The following PRKAR1A variants were observed in gnomAD, a reference collection of about 807,000 sequenced individuals.
PRKAR1A encodes cAMP-dependent protein kinase type I-alpha regulatory subunit.
A neutral mutation model predicts 52.0 loss-of-function variants in PRKAR1A; 3 were observed. That is an observed-to-expected ratio of 0.06 (90% CI 0.03 to 0.15). PRKAR1A has a LOEUF of 0.15. PRKAR1A is among the 10% of genes least tolerant of loss of function. PRKAR1A has a pLI of 1.00. For missense variants in PRKAR1A, 240 were observed against 477.4 expected, an observed-to-expected ratio of 0.50 and a Z score of 4.63; for synonymous variants, 188 against 168.4, an observed-to-expected ratio of 1.12 and a Z score of -0.90.
chr17:68,542,662 GA>G (rs1452285233), intron 11 of PRKAR1A: 1 of 1,548,678 alleles, frequency 6.5e-7, no homozygotes, highest in South Asian at 1.1e-5. Context: ...GATCTACTCA[GA>G]CCCGGAATAT....
At position 68,543,741 on chromosome 17, in the gene PRKAR1A, C is replaced by CA. The variant is rs1491277470; in HGVS notation, c.974-7342dup. The CA allele has an allele frequency of 2.5e-6, 4 of 1,603,630 alleles. No individual in the cohort carries two copies. The East Asian group carries it at 8.9e-5, about 36-fold the overall frequency. On this transcript the variant is annotated intron_variant, in intron 11 of 11. Transcript: ENST00000585981. ...TGCTGTCTGGAAGGAAGGAAGGAATCACGCCCTGGACTCAGACTTCAGCTG... is the reference window on the plus strand; with the variant it reads ...TGCTGTCTGGAAGGAAGGAAGGAATCAACGCCCTGGACTCAGACTTCAGCTG...
downstream of PRKAR1A, chr17:68,536,501 CCTGA>C (rs1423427493): frequency 4.4e-6 from 2 of 454,130 alleles, no homozygotes; most frequent in East Asian, 1.4e-4. Context: ...CAATAAAAAA[CCTGA>C]CTTAGTCTTT....
the PRKAR1A span, among the ~76,000 whole-genome samples, chr17:68,489,502 A>AGT: frequency 6.9e-6 from 1 of 145,278 alleles, no homozygotes; most frequent in Non-Finnish European, 1.5e-5. Context: ...ATATATAGAT[A>AGT]GTATATATAT....
chr17:68,542,612 C>T (rs1407709221), intron 11 of PRKAR1A: 2 of 1,051,740 alleles, frequency 1.9e-6, no homozygotes, highest in Admixed American at 1.7e-5. Context: ...AGCAGGGTGT[C>T]AGGCCACTGA....
chr17:68,417,733 A>ATTTTTTTTTTTT, the PRKAR1A span, among the ~76,000 whole-genome samples: 58 of 60,828 alleles, frequency 9.5e-4, 12 homozygotes, highest in East Asian at 1.3e-3. Flanking sequence ...GAGTTGCTGA[A>ATTTTTTTTTTTT]TTTTTTTTTT....
chr17:68,452,841 C>G, the PRKAR1A span: 1 of 1,428,674 alleles, frequency 7.0e-7, no homozygotes, highest in Non-Finnish European at 9.8e-7. Context: ...GGTAGCACCG[C>G]AGATTAAAGC....
intron 7 of PRKAR1A, chr17:68,527,466 G>A (rs1445440401): frequency 9.3e-6 from 2 of 215,392 alleles, no homozygotes; most frequent in African/African-American, 4.7e-5. Context: ...CAGTTTGAGA[G>A]TAAACATGGA....
In PRKAR1A at chr17:68,530,668, C is replaced by A; in HGVS notation, c.*219C>A. ...ATAAATAGAAAGAGTTCTATGGAGA[C>A]TTTGCTGTTACTGCTTCTCTTTGTG... On this transcript the variant is annotated 3_prime_UTR_variant, in exon 11 of 11. Transcript: ENST00000589228. The A allele has an allele frequency of 6.9e-7, 1 of 1,443,134 alleles. No individual in the cohort carries two copies. Among genetic ancestry groups the A allele is most frequent in the Non-Finnish European group, 9.1e-7 (1 of 1,099,526 alleles). The allele number at this position is 1,443,134 out of a possible 1,614,324, so 89.4% of individuals were successfully genotyped here. A position where few individuals can be genotyped will look rare whatever the true frequency, so the allele number is the denominator to read the frequency against.
At chr17:68,436,470 G>A in the PRKAR1A span, 4 of 1,613,860 alleles carry the variant, frequency 2.5e-6, 1 homozygote, top group South Asian at 4.4e-5. Flanking sequence ...GATAGAGAGA[G>A]CACATAGACC....
At chr17:68,544,050 T>C (rs1406442741) in intron 11 of PRKAR1A, among the ~76,000 whole-genome samples, 1 of 152,078 alleles carries the variant, frequency 6.6e-6, no homozygotes, top group Non-Finnish European at 1.5e-5. Context: ...CTTCTGCAGG[T>C]ATAAACAGAA....
At chr17:68,517,923 A>G (rs574311087) in intron 2 of PRKAR1A, among the ~76,000 whole-genome samples, 2 of 152,354 alleles carry the variant, frequency 1.3e-5, no homozygotes, top group African/African-American at 4.8e-5. Flanking sequence ...GATAACACCC[A>G]TTCCAAATGG....
At chr17:68,521,255 G>T (rs909409364) in intron 2 of PRKAR1A, among the ~76,000 whole-genome samples, 4 of 151,780 alleles carry the variant, frequency 2.6e-5, no homozygotes, top group African/African-American at 7.3e-5. Flanking sequence ...TTTGAGACAG[G>T]ATCTCACTCT....
chr17:68,427,415 G>A, the PRKAR1A span: 1 of 519,240 alleles, frequency 1.9e-6, no homozygotes, highest in African/African-American at 2.0e-5. Flanking sequence ...GGAGTGCAGT[G>A]GCGCAATCTC....
At chr17:68,467,111 C>T in the PRKAR1A span, among the ~76,000 whole-genome samples, 1 of 152,198 alleles carries the variant, frequency 6.6e-6, no homozygotes, top group African/African-American at 2.4e-5. Flanking sequence ...CTTTTTATGG[C>T]TGAATAGTAT....
chr17:68,532,656 G>A lies in PRKAR1A; in HGVS notation c.*2207G>A. Reference sequence around the variant, plus strand: ...GATGGCCAAAGGACCGTTTTGTATTGCTTCCTGATTACCAGTCTGATTATA... The same window carrying A: ...GATGGCCAAAGGACCGTTTTGTATTACTTCCTGATTACCAGTCTGATTATA... On this transcript the variant is annotated 3_prime_UTR_variant, in exon 11 of 11. Coordinates refer to ENST00000589228, the MANE Select transcript of PRKAR1A (RefSeq NM_002734.5). The A allele has an allele frequency of 9.4e-7, 1 of 1,066,252 alleles. No homozygotes were observed. Among genetic ancestry groups the A allele is most frequent in the Non-Finnish European group, 1.1e-6 (1 of 879,664 alleles). The allele number at this position is 1,066,252 out of a possible 1,614,324, so 66.0% of individuals were successfully genotyped here. A position where few individuals can be genotyped will look rare whatever the true frequency, so the allele number is the denominator to read the frequency against.
chr17:68,424,807 G>A, the PRKAR1A span, among the ~76,000 whole-genome samples: 1 of 151,572 alleles, frequency 6.6e-6, no homozygotes, highest in African/African-American at 2.4e-5. Context: ...AACCCAGGAG[G>A]CAGAGGCTGC....
At chr17:68,473,368 C>T in the PRKAR1A span, among the ~76,000 whole-genome samples, 1 of 152,072 alleles carries the variant, frequency 6.6e-6, no homozygotes, top group South Asian at 2.1e-4. Context: ...ATAGTGAGAC[C>T]TCAACGCTCC....
the PRKAR1A span, among the ~76,000 whole-genome samples, chr17:68,500,832 T>A: frequency 6.6e-6 from 1 of 152,092 alleles, no homozygotes; most frequent in Non-Finnish European, 1.5e-5. Flanking sequence ...TATAACTTTA[T>A]CAGCAGCATG....
At position 68,528,877 on chromosome 17, in the gene PRKAR1A, G is replaced by A. The variant is rs751075612; in HGVS notation, c.777G>A (p.Leu259=). 6.2e-7 allele frequency: 1 copy of A among 1,613,852 alleles called. No homozygotes were observed. The highest frequency in any genetic ancestry group is 8.5e-7 in the Non-Finnish European group (1 of 1,179,782). Reference sequence around the variant, plus strand: ...TTGATTCTTGTCTTTCAGAGTCTCTGGACAAGTGGGAACGTCTTACGGTAG... The same window carrying A: ...TTGATTCTTGTCTTTCAGAGTCTCTAGACAAGTGGGAACGTCTTACGGTAG... ...FLSKVSILES[L]DKWERLTVAD... The change falls in exon 9 of 11, where the codon CTG becomes CTA. Residue 259 remains leucine, a synonymous_variant. Transcript: ENST00000589228.
Sources: gnomAD v4.1 joint callset for allele counts (sites outside exome capture counted in the v4.1 genomes callset) on GRCh38, gnomAD v4.1.1 for gene constraint, MANE v1.5 for transcripts, NCBI Gene and HGNC (gene_info 2026-07-23, HGNC 2026-07-21) for gene names.